MCOLN2: variants seen among roughly 807,000 people sequenced by gnomAD.
MCOLN2 encodes mucolipin TRP cation channel 2, also known as mucolipin-2.
In MCOLN2, 57 loss-of-function variants were observed where a neutral mutation model predicts 67.5. The observed-to-expected ratio is 0.84, with a 90% CI of 0.68 to 1.05. MCOLN2 has a LOEUF of 1.05. Among genes scored for constraint, MCOLN2 ranks in the 50% least tolerant of loss-of-function variants. MCOLN2 has a pLI of 0.00. For synonymous variants in MCOLN2, 246 were observed against 233.3 expected, an observed-to-expected ratio of 1.05 and a Z score of -0.50; for missense variants, 620 against 678.8, an observed-to-expected ratio of 0.91 and a Z score of 0.96.
intron 6 of MCOLN2, among the ~76,000 whole-genome samples, chr1:84,950,927 G>C (rs1025457375): frequency 1.3e-5 from 2 of 152,100 alleles, no homozygotes; most frequent in Admixed American, 1.3e-4. Context: ...GAAGTCCAAA[G>C]AACAAAATAA....
intron 1 of MCOLN2, among the ~76,000 whole-genome samples, chr1:84,968,571 T>C (rs560721240): frequency 2.3e-4 from 35 of 152,250 alleles, no homozygotes; most frequent in Non-Finnish European, 4.7e-4. Flanking sequence ...TTACCATCTG[T>C]GATATTATGA....
At chr1:84,964,444 C>T (rs1649261882) in intron 2 of MCOLN2, among the ~76,000 whole-genome samples, 1 of 147,232 alleles carries the variant, frequency 6.8e-6, no homozygotes, top group African/African-American at 2.5e-5. Flanking sequence ...TGGTTAACTA[C>T]AGCAATGATC....
In MCOLN2 at chr1:84,956,441, G is replaced by A. The variant is rs1485427339; in HGVS notation, c.555C>T (p.Asp185=). The change falls in exon 4 of 14, where the codon GAC becomes GAT. Residue 185 remains aspartate (D), a synonymous_variant. Transcript: ENST00000370608. ...PSNETLNIDN[D]VELDCVQLDL... is the part of the protein sequence containing the mutation. ...TTATCACTGCATTACCGAGCTCAACGTCGTTGTCAATATTCAGTGTCTCAT... is the reference window on the plus strand; with the variant it reads ...TTATCACTGCATTACCGAGCTCAACATCGTTGTCAATATTCAGTGTCTCAT... The A allele has an allele frequency of 5.6e-6, 9 of 1,611,018 alleles. No individual in the cohort carries two copies. The highest frequency in any genetic ancestry group is 5.4e-5 in the African/African-American group (4 of 74,712).
rs777230839 is a variant in MCOLN2 at position 84,952,429 on chromosome 1, C to T, written c.650+17G>A. On this transcript the variant is annotated intron_variant, in intron 5 of 13. Transcript: ENST00000370608. ...CACCCTCATCTCTTAGGGAATAACA[C>T]TTTAAAATGTATTTACCGATAAAAT... The T allele has an allele frequency of 1.9e-6, 3 of 1,599,152 alleles. No individual in the cohort carries two copies. The South Asian group carries it at 3.3e-5, about 18-fold the overall frequency.
intron 1 of MCOLN2, among the ~76,000 whole-genome samples, chr1:84,977,127 G>GT (rs751820874): frequency 4.1e-3 from 537 of 130,402 alleles, no homozygotes; most frequent in Non-Finnish European, 5.2e-3. Flanking sequence ...GTTTTTATTA[G>GT]TTATTTTTTT....
intron 13 of MCOLN2, among the ~76,000 whole-genome samples, chr1:84,927,427 A>G (rs2102794295): frequency 6.6e-6 from 1 of 152,350 alleles, no homozygotes; most frequent in Non-Finnish European, 1.5e-5. Context: ...ACATCGCTTT[A>G]GAACTGGAAG....
chr1:84,971,189 T>A (rs1649663425), intron 1 of MCOLN2, among the ~76,000 whole-genome samples: 3 of 151,754 alleles, frequency 2.0e-5, no homozygotes, highest in African/African-American at 7.3e-5. Context: ...AGCCAACTAG[T>A]GAAATACAAG....
intron 1 of MCOLN2, among the ~76,000 whole-genome samples, chr1:84,985,942 T>C (rs143628087): frequency 0.01 from 1,583 of 151,638 alleles, 21 homozygotes; most frequent in African/African-American, 0.037. Flanking sequence ...GGAAAAAAAA[T>C]CCTAAAATTC....
At chr1:84,986,693 A>T (rs1431602888) in intron 1 of MCOLN2, among the ~76,000 whole-genome samples, 1 of 152,128 alleles carries the variant, frequency 6.6e-6, no homozygotes, top group Non-Finnish European at 1.5e-5. Flanking sequence ...CAAGAAAAAA[A>T]AATAATCCCA....
intron 6 of MCOLN2, 110 bp from the exon 7 acceptor site, chr1:84,947,242 G>C: frequency 3.1e-6 from 2 of 654,040 alleles, no homozygotes; most frequent in Non-Finnish European, 5.5e-6. Context: ...GATCCAAAGA[G>C]AATTACACAG....
chr1:84,968,587 A>G (rs1649495784), intron 1 of MCOLN2, among the ~76,000 whole-genome samples: 2 of 152,206 alleles, frequency 1.3e-5, no homozygotes, highest in African/African-American at 4.8e-5. Context: ...TATGACATAC[A>G]TACATGTTGG....
At chr1:84,961,019 G>A (rs1649062113) in intron 2 of MCOLN2, among the ~76,000 whole-genome samples, 2 of 152,202 alleles carry the variant, frequency 1.3e-5, no homozygotes, top group Admixed American at 6.5e-5. Flanking sequence ...GGACAGGAAT[G>A]TTTTTCCTTT....
At chr1:84,970,251 C>T (rs1183916479) in intron 1 of MCOLN2, among the ~76,000 whole-genome samples, 1 of 150,398 alleles carries the variant, frequency 6.6e-6, no homozygotes, top group Non-Finnish European at 1.5e-5. Context: ...ATAGAAACTA[C>T]CCCCCAACTC....
Position 84,972,273 on chromosome 1 carries a change from G to A in MCOLN2, c.78-6565C>T, listed in dbSNP as rs1043900679. ...ACACAGACCCATCAGCTACAGGGCT[G>A]TCATGCAATTGAAATTGCATGAAAT... is the stretch of plus-strand genomic sequence containing the variant. On this transcript the variant is annotated intron_variant, in intron 1 of 13. Transcript: ENST00000370608. Among the ~76,000 whole-genome samples the A allele has an allele frequency of 2.0e-5, 3 of 152,258 alleles. No homozygotes were observed. The South Asian group carries it at 6.2e-4, about 32-fold the overall frequency.
intron 1 of MCOLN2, among the ~76,000 whole-genome samples, chr1:84,975,977 ACAGT>A (rs1418002648): frequency 6.6e-6 from 1 of 152,100 alleles, no homozygotes; most frequent in African/African-American, 2.4e-5. Context: ...TTAAAAATAC[ACAGT>A]CAGAGAAGAC....
chr1:84,977,590 T>C (rs1238988103), intron 1 of MCOLN2, among the ~76,000 whole-genome samples: 1 of 152,136 alleles, frequency 6.6e-6, no homozygotes, highest in Non-Finnish European at 1.5e-5. Flanking sequence ...GGAGTAGCTA[T>C]GCTTTTGTCA....
chr1:84,952,792 TGA>T (rs1648569919), intron 4 of MCOLN2, among the ~76,000 whole-genome samples: 1 of 152,228 alleles, frequency 6.6e-6, no homozygotes, highest in Non-Finnish European at 1.5e-5. Flanking sequence ...TACAATGAAC[TGA>T]GAAGCATATG....
chr1:84,976,264 T>C (rs1227415776), intron 1 of MCOLN2, among the ~76,000 whole-genome samples: 2 of 149,856 alleles, frequency 1.3e-5, no homozygotes, highest in Middle Eastern at 3.4e-3. Flanking sequence ...AAGATCAAGG[T>C]TAAAGAATGG....
rs555394734 is a variant in MCOLN2 at position 84,987,460 on chromosome 1, A to ATG, written c.77+9334_77+9335dup. On this transcript the variant is annotated intron_variant, in intron 1 of 13. Coordinates refer to ENST00000370608, the MANE Select transcript of MCOLN2 (RefSeq NM_153259.4). ...TATAGATATATACATATATACATAT[A>ATG]TGTATATATAGATATATATACATAT... Among the ~76,000 whole-genome samples the ATG allele has an allele frequency of 2.4e-3, 269 of 114,016 alleles. 6 individuals carry two copies. The highest frequency in any genetic ancestry group is 3.7e-3 in the Non-Finnish European group (207 of 56,198). The allele number at this position is 114,016 out of a possible 152,430, so 74.8% of individuals were successfully genotyped here.
Sources: allele counts gnomAD v4.1 joint callset (sites outside exome capture counted in the v4.1 genomes callset), GRCh38; gene constraint gnomAD v4.1.1; transcripts MANE v1.5; gene names NCBI Gene and HGNC (gene_info 2026-07-23, HGNC 2026-07-21).